SCOC: variants seen among roughly 807,000 people sequenced by gnomAD.
SCOC encodes short coiled-coil protein.
In SCOC, 7 loss-of-function variants were observed where a neutral mutation model predicts 9.9. That is an observed-to-expected ratio of 0.71 (90% CI 0.40 to 1.33). The LOEUF (loss-of-function observed/expected upper bound fraction) is 1.33. Ranked by LOEUF, SCOC falls within the 40% of genes most tolerant of loss-of-function variation. The probability of loss-of-function intolerance (pLI) is 0.01; values close to 1 mark genes in which losing one functional copy is unlikely to be tolerated. For synonymous variants in SCOC, 19 were observed against 28.2 expected (o/e 0.67, Z 1.03); for missense variants, 66 against 89.7 (o/e 0.74, Z 1.07).
In SCOC at chr4:140,263,306, G is replaced by T. The variant is rs566952310; in HGVS notation, c.-19+5896G>T. Among the ~76,000 whole-genome samples, 5 of 152,250 alleles carry T rather than the reference G, an allele frequency of 3.3e-5. No individual in the cohort carries two copies. The East Asian group carries it at 9.7e-4, about 29-fold the overall frequency. On this transcript the variant is annotated intron_variant, in intron 1 of 4. Coordinates refer to the SCOC transcript ENST00000394205. ...CCTTGTCTTCCACAGAGCAATTTAG[G>T]ACCATCAGTGTTACAGAGACTCCAA...
Position 140,373,697 on chromosome 4 carries a change from T to G in SCOC, c.-71T>G. On this transcript the variant is annotated 5_prime_UTR_variant, in exon 1 of 4. Coordinates refer to ENST00000608372, the MANE Select transcript of SCOC (RefSeq NM_001153484.2). ...GAGGTGTCGGCCGGATCCCTCCTTC[T>G]CCCGGCGCCTCAAGCGGAAGGTGAG... 2 of 1,549,040 alleles carry G rather than the reference T, an allele frequency of 1.3e-6. No individual in the cohort carries two copies. The highest frequency in any genetic ancestry group is 1.7e-6 in the Non-Finnish European group (2 of 1,146,806).
At chr4:140,268,489 T>C (rs1259930915) in intron 1 of SCOC, among the ~76,000 whole-genome samples, 5 of 152,222 alleles carry the variant, frequency 3.3e-5, no homozygotes, top group African/African-American at 7.2e-5. Flanking sequence ...AAATGAAAGA[T>C]TTCCAGGAGA....
rs570797280 is a variant in SCOC at position 140,280,369 on chromosome 4, TCCA to T, written c.-19+22962_-19+22964del. The stretch of plus-strand genomic sequence containing the variant: ...ATCTTGAACTCCTGGGCTCAAGGGA[TCCA>T]CCCACCTTGGCCTCCCAAAGTGCTG... On this transcript the variant is annotated intron_variant, in intron 1 of 4. Transcript: ENST00000394205. Among the ~76,000 whole-genome samples, 591 of 152,330 alleles carry T rather than the reference TCCA, an allele frequency of 3.9e-3. 4 individuals are homozygous for T. The highest frequency in any genetic ancestry group is 7.0e-3 in the Non-Finnish European group (475 of 68,034).
intron 1 of SCOC, among the ~76,000 whole-genome samples, chr4:140,304,756 G>A (rs563441785): frequency 1.3e-5 from 2 of 152,300 alleles, no homozygotes; most frequent in East Asian, 3.9e-4. Flanking sequence ...TTGGTGCAGT[G>A]TTCCCCATGA....
At chr4:140,359,827 C>T (rs1727385495) in intron 2 of SCOC, among the ~76,000 whole-genome samples, 1 of 152,148 alleles carries the variant, frequency 6.6e-6, no homozygotes, top group Admixed American at 6.5e-5. Context: ...ATTAAAGGCT[C>T]CTCACACACC....
chr4:140,350,384 G>A (rs1053855170), intron 2 of SCOC, among the ~76,000 whole-genome samples: 3 of 152,340 alleles, frequency 2.0e-5, no homozygotes, highest in Non-Finnish European at 2.9e-5. Context: ...AAAGAATTCT[G>A]ATAGAATTTG....
chr4:140,329,101 C>T (rs973832253), intron 1 of SCOC, among the ~76,000 whole-genome samples: 2 of 152,156 alleles, frequency 1.3e-5, no homozygotes, highest in Non-Finnish European at 2.9e-5. Context: ...TAAAAATACG[C>T]ACATAGACCA....
chr4:140,365,720 A>G (rs1727763694), intron 2 of SCOC, among the ~76,000 whole-genome samples: 1 of 152,178 alleles, frequency 6.6e-6, no homozygotes, highest in South Asian at 2.1e-4. Context: ...GAAGACTTTC[A>G]TGATGACCCA....
chr4:140,295,930 C>CA (rs1203213131), intron 1 of SCOC, among the ~76,000 whole-genome samples: 10,945 of 51,942 alleles, frequency 0.21, 910 homozygotes, highest in African/African-American at 0.29. Flanking sequence ...GACTCCGTCT[C>CA]AAAAAAAAAA....
chr4:140,296,903 T>A (rs1731656541), intron 1 of SCOC, among the ~76,000 whole-genome samples: 1 of 152,190 alleles, frequency 6.6e-6, no homozygotes, highest in Non-Finnish European at 1.5e-5. Flanking sequence ...TGCTGTGGGA[T>A]TTAGGTCTTA....
intron 1 of SCOC, among the ~76,000 whole-genome samples, chr4:140,308,441 G>A (rs1732052992): frequency 6.6e-6 from 1 of 152,154 alleles, no homozygotes; most frequent in Non-Finnish European, 1.5e-5. Flanking sequence ...ACTATATATA[G>A]CCAGGGCCGA....
upstream of SCOC, among the ~76,000 whole-genome samples, chr4:140,341,980 A>G (rs1273215409): frequency 1.3e-5 from 2 of 152,110 alleles, no homozygotes; most frequent in African/African-American, 2.4e-5. Flanking sequence ...TCAGACTTGC[A>G]TCATGGGCTA....
intron 1 of SCOC, among the ~76,000 whole-genome samples, chr4:140,265,921 A>T (rs1003225486): frequency 1.3e-5 from 2 of 152,118 alleles, no homozygotes; most frequent in Non-Finnish European, 2.9e-5. Context: ...CCTCTTTTCC[A>T]GGGATTGGTG....
chr4:140,290,872 C>A (rs1050223395), intron 1 of SCOC, among the ~76,000 whole-genome samples: 6 of 152,170 alleles, frequency 3.9e-5, no homozygotes, highest in African/African-American at 1.4e-4. Context: ...AGTCTGTATG[C>A]ATGGTCACTT....
chr4:140,288,398 T>C (rs1429741014), intron 1 of SCOC, among the ~76,000 whole-genome samples: 2 of 151,994 alleles, frequency 1.3e-5, no homozygotes, highest in Non-Finnish European at 1.5e-5. Context: ...GCAAACACCA[T>C]GCAAATACCC....
intron 1 of SCOC, among the ~76,000 whole-genome samples, chr4:140,334,975 A>G (rs1328214790): frequency 6.6e-6 from 1 of 152,206 alleles, no homozygotes. Context: ...GAAATCTTGC[A>G]ATATGCAACA....
intron 1 of SCOC, among the ~76,000 whole-genome samples, chr4:140,308,244 C>G (rs1277881704): frequency 1.3e-5 from 2 of 152,170 alleles, no homozygotes; most frequent in African/African-American, 4.8e-5. Flanking sequence ...CTGAGATTGG[C>G]CCATATTCCC....
chr4:140,288,392 A>G (rs1731361909), intron 1 of SCOC, among the ~76,000 whole-genome samples: 1 of 152,078 alleles, frequency 6.6e-6, no homozygotes, highest in Non-Finnish European at 1.5e-5. Flanking sequence ...ACACATGCAA[A>G]CACCATGCAA....
intron 1 of SCOC, among the ~76,000 whole-genome samples, chr4:140,279,104 G>T (rs1269954859): frequency 6.6e-6 from 1 of 151,978 alleles, no homozygotes; most frequent in Non-Finnish European, 1.5e-5. Flanking sequence ...CACTTTTCAT[G>T]CAGCTTCTCA....
Sources: gnomAD v4.1 joint callset for allele counts (sites outside exome capture counted in the v4.1 genomes callset) on GRCh38, gnomAD v4.1.1 for gene constraint, MANE v1.5 for transcripts, NCBI Gene and HGNC (gene_info 2026-07-23, HGNC 2026-07-21) for gene names.